APBA1: variants seen among roughly 807,000 people sequenced by gnomAD.
APBA1 encodes the protein amyloid-beta A4 precursor protein-binding family A member 1.
Under a neutral mutation model 86.6 loss-of-function variants are expected in APBA1, and 55 were observed. The ratio of observed to expected loss-of-function variants is 0.64; its 90% CI spans 0.51 to 0.80. The LOEUF is 0.80. APBA1 is among the 30% of genes least tolerant of loss of function. The pLI, the probability that APBA1 is intolerant of heterozygous loss-of-function variation, is 0.00. For missense variants in APBA1, 1,090 were observed against 1,183.0 expected (o/e 0.92, Z 1.15); for synonymous variants, 511 against 493.9 (o/e 1.03, Z -0.46).
intron 1 of APBA1, among the ~76,000 whole-genome samples, chr9:69,617,501 C>T (rs370765601): frequency 6.6e-6 from 1 of 151,882 alleles, no homozygotes; most frequent in African/African-American, 2.4e-5. Context: ...TTACCAACAC[C>T]AACAAATATT....
At position 69,449,735 on chromosome 9, in the gene APBA1, C is replaced by T; in HGVS notation, c.2030G>A (p.Gly677Glu). The change falls in exon 10 of 13, where the codon GGA (glycine) becomes GAA (glutamate). Residue 677 changes from glycine to glutamate, a missense_variant. Transcript: ENST00000265381. ...LGVVIVESGW[G>E]SILPTVIIAN... ...AATGATCACGGTGGGGAGGATGGAT[C>T]CCCAGCCAGACTCCACAATCACCAC... 3 of 1,614,026 alleles carry T rather than the reference C, an allele frequency of 1.9e-6. No homozygotes were observed. Among genetic ancestry groups the T allele is most frequent in the Non-Finnish European group, 2.5e-6 (3 of 1,180,018 alleles).
chr9:69,555,118 C>T (rs896385047), intron 1 of APBA1, among the ~76,000 whole-genome samples: 5 of 152,150 alleles, frequency 3.3e-5, no homozygotes, highest in African/African-American at 9.7e-5. Context: ...TGCTTGGAGA[C>T]GGTCCAGGTT....
intron 1 of APBA1, among the ~76,000 whole-genome samples, chr9:69,629,383 T>C (rs545712788): frequency 1.9e-4 from 29 of 152,332 alleles, no homozygotes; most frequent in African/African-American, 6.5e-4. Context: ...GCACTAATAG[T>C]TCATGATTAA....
At chr9:69,508,980 A>G (rs1160154918) in intron 2 of APBA1, among the ~76,000 whole-genome samples, 13 of 150,276 alleles carry the variant, frequency 8.7e-5, no homozygotes, top group African/African-American at 2.7e-4. Context: ...AAGATCCAAA[A>G]TTGACACCCT....
chr9:69,536,487 T>C (rs1337867152), intron 1 of APBA1, among the ~76,000 whole-genome samples: 1 of 151,876 alleles, frequency 6.6e-6, no homozygotes, highest in African/African-American at 2.4e-5. Flanking sequence ...TCTGAACTTG[T>C]ACACATTTTC....
chr9:69,457,012 C>T (rs376616638), intron 7 of APBA1, 41 bp downstream of exon 7: 4 of 1,532,792 alleles, frequency 2.6e-6, no homozygotes, highest in Non-Finnish European at 3.6e-6. Context: ...GTTACGATGT[C>T]ACTAAGCTTC....
At chr9:69,630,176 G>A (rs896953776) in intron 1 of APBA1, among the ~76,000 whole-genome samples, 1 of 152,074 alleles carries the variant, frequency 6.6e-6, no homozygotes, top group South Asian at 2.1e-4. Flanking sequence ...TGACATCAGA[G>A]CAGACTTGAA....
At position 69,457,105 on chromosome 9, in the gene APBA1, A is replaced by T; in HGVS notation, c.1550T>A (p.Val517Glu). 1 of 1,614,234 alleles carries T rather than the reference A, an allele frequency of 6.2e-7. No individual in the cohort carries two copies. Among genetic ancestry groups the T allele is most frequent in the Non-Finnish European group, 8.5e-7 (1 of 1,180,030 alleles). Residue 517 changes from valine (V) to glutamate (E), a missense_variant, in exon 7 of 13, where the codon GTG becomes GAG. Physicochemically the swap from Val to Glu is moderately radical, Grantham distance 121. Transcript: ENST00000265381. ...PEGESQPMTE[V>E]DLFISTQRIK... is the part of the protein sequence containing the mutation. The stretch of plus-strand genomic sequence containing the variant: ...TCTCTGGGTAGAAATGAAGAGATCC[A>T]CTTCAGTCATTGGCTGAGATTCGCC...
At chr9:69,526,180 A>C (rs569292872) in intron 1 of APBA1, among the ~76,000 whole-genome samples, 1 of 152,170 alleles carries the variant, frequency 6.6e-6, no homozygotes, top group South Asian at 2.1e-4. Context: ...TTTATGATGA[A>C]GTCCTCAAAA....
At chr9:69,505,910 T>C (rs1835953182) in intron 2 of APBA1, among the ~76,000 whole-genome samples, 1 of 151,506 alleles carries the variant, frequency 6.6e-6, no homozygotes, top group Non-Finnish European at 1.5e-5. Context: ...TCCCAGCTAC[T>C]TGGGAGGCTG....
intron 1 of APBA1, among the ~76,000 whole-genome samples, chr9:69,522,086 C>CACAT (rs1836262082): frequency 6.7e-6 from 1 of 149,540 alleles, no homozygotes. Context: ...CACACACACA[C>CACAT]ATATATAAAT....
chr9:69,573,280 G>C (rs1007169103), intron 1 of APBA1, among the ~76,000 whole-genome samples: 1 of 151,734 alleles, frequency 6.6e-6, no homozygotes. Flanking sequence ...CCAAGAGTTT[G>C]AGACCAGCCT....
At chr9:69,434,418 CA>C (rs60462019) in intron 11 of APBA1, among the ~76,000 whole-genome samples, 8,701 of 141,910 alleles carry the variant, frequency 0.061, 821 homozygotes, top group African/African-American at 0.2. Flanking sequence ...TGGCTTAAAA[CA>C]AAAAAAAAAA....
intron 1 of APBA1, among the ~76,000 whole-genome samples, chr9:69,603,910 C>T (rs1301835301): frequency 6.6e-6 from 1 of 152,176 alleles, no homozygotes; most frequent in African/African-American, 2.4e-5. Context: ...CAGTCTGCCC[C>T]AGATTCTAGA....
chr9:69,512,967 A>G (rs1836076084), intron 2 of APBA1, among the ~76,000 whole-genome samples: 4 of 152,280 alleles, frequency 2.6e-5, no homozygotes, highest in African/African-American at 9.6e-5. Context: ...ACAGAATATA[A>G]TATCATTATA....
At chr9:69,620,684 A>C (rs1490123757) in intron 1 of APBA1, among the ~76,000 whole-genome samples, 2 of 152,198 alleles carry the variant, frequency 1.3e-5, no homozygotes, top group East Asian at 3.8e-4. Flanking sequence ...CTCAAAAAAA[A>C]CAAAACAAAA....
intron 1 of APBA1, among the ~76,000 whole-genome samples, chr9:69,625,410 C>T (rs1025319085): frequency 6.6e-6 from 1 of 152,102 alleles, no homozygotes; most frequent in Non-Finnish European, 1.5e-5. Flanking sequence ...TTATTTTCTT[C>T]CTCAAATGAA....
At chr9:69,546,475 G>A (rs906583186) in intron 1 of APBA1, among the ~76,000 whole-genome samples, 2 of 152,138 alleles carry the variant, frequency 1.3e-5, no homozygotes. Flanking sequence ...CCAAGAGGGC[G>A]CTGCCCCCTA....
chr9:69,433,852 C>T (rs1482636487), intron 11 of APBA1, among the ~76,000 whole-genome samples: 1 of 148,742 alleles, frequency 6.7e-6, no homozygotes, highest in Non-Finnish European at 1.5e-5. Context: ...TGCTCTGTCA[C>T]CTAGGCTGGA....
Sources: allele counts gnomAD v4.1 joint callset (sites outside exome capture counted in the v4.1 genomes callset), GRCh38; gene constraint gnomAD v4.1.1; transcripts MANE v1.5; gene names NCBI Gene and HGNC (gene_info 2026-07-23, HGNC 2026-07-21).